Variants in PATJ observed in about 807,000 individuals in gnomAD.
PATJ encodes inaD-like protein.
Under a neutral mutation model 224.9 loss-of-function variants are expected in PATJ, and 190 were observed. The ratio of observed to expected loss-of-function variants is 0.84; its 90% confidence interval spans 0.75 to 0.95. The LOEUF is 0.95. PATJ is among the 40% of genes least tolerant of loss of function. The pLI, the probability that PATJ is intolerant of heterozygous loss-of-function variation, is 0.00. For missense variants in PATJ, 2,121 were observed against 2,270.3 expected, an observed-to-expected ratio of 0.93 and a Z score of 1.34; for synonymous variants, 769 against 820.3, an observed-to-expected ratio of 0.94 and a Z score of 1.07.
chr1:61,932,492 C>G (rs1557895901), intron 27 of PATJ, among the ~76,000 whole-genome samples: 1 of 152,138 alleles, frequency 6.6e-6, no homozygotes, highest in Non-Finnish European at 1.5e-5. Flanking sequence ...CACTGACCTT[C>G]AATGGTCAAG....
At position 62,116,560 on chromosome 1, in the gene PATJ, A is replaced by T; in HGVS notation, c.4684A>T (p.Ile1562Phe). The change falls in exon 36 of 44, where the codon ATC becomes TTC. Residue 1562 changes from isoleucine (I) to phenylalanine (F), a missense_variant. Physicochemically the swap from Ile to Phe is conservative, Grantham distance 21. Transcript: ENST00000642238. Reference protein sequence around the residue: ...RNGSGVFISDIVKGGAADLDG... With the variant: ...RNGSGVFISDFVKGGAADLDG... ...TGGAAGCGGAGTGTTTATTTCTGAC[A>T]TCGTGAAAGGCGGAGCCGCAGACCT... The T allele has an allele frequency of 6.2e-7, 1 of 1,614,076 alleles. No individual in the cohort carries two copies. The highest frequency in any genetic ancestry group is 8.5e-7 in the Non-Finnish European group (1 of 1,179,982).
chr1:61,901,359 A>G lies in PATJ; in HGVS notation c.3281A>G (p.Lys1094Arg). The stretch of plus-strand genomic sequence containing the variant: ...GGACAAACTGTTATAAAACGTCTAA[A>G]GAATGGAGAGGAGCTTAAAGGTATA... ...VGGQTVIKRL[K>R]NGEELKGIFI... is the part of the protein sequence containing the mutation. The change falls in exon 24 of 44, where the codon AAG (lysine) becomes AGG (arginine). Residue 1094 changes from lysine to arginine, a missense_variant. Coordinates refer to ENST00000642238, the MANE Select transcript of PATJ (RefSeq NM_001350145.3). 6.3e-7 allele frequency: 1 copy of G among 1,588,716 alleles called. No individual in the cohort carries two copies. The highest frequency in any genetic ancestry group is 8.5e-7 in the Non-Finnish European group (1 of 1,171,444).
intron 8 of PATJ, among the ~76,000 whole-genome samples, chr1:61,790,376 T>C (rs143653286): frequency 1.9e-4 from 29 of 152,236 alleles, no homozygotes; most frequent in African/African-American, 6.7e-4. Flanking sequence ...CTTTCTATTG[T>C]TGTATAACAA....
At chr1:61,838,082 CAATA>C (rs758809953) in intron 17 of PATJ, among the ~76,000 whole-genome samples, 2 of 152,068 alleles carry the variant, frequency 1.3e-5, no homozygotes, top group Non-Finnish European at 2.9e-5. Flanking sequence ...ACAGGGAAGA[CAATA>C]AATGTGATTA....
In PATJ at chr1:61,884,365, G is replaced by A. The variant is rs564220185; in HGVS notation, c.3088G>A (p.Ala1030Thr). The stretch of plus-strand genomic sequence containing the variant: ...GACACGAGTTATTTCCAAGGCCTCA[G>A]CATACACAGGAATGTTGTCTTCTAG... ...QATRVISKAS[A>T]YTGMLSSRYA... Residue 1030 changes from alanine (A) to threonine (T), a missense_variant, in exon 22 of 44, where the codon GCA becomes ACA. By Grantham distance (58) the Ala-to-Thr change is moderately conservative. Coordinates refer to ENST00000642238, the MANE Select transcript of PATJ (RefSeq NM_001350145.3). The A allele has an allele frequency of 1.2e-6, 2 of 1,610,970 alleles. No homozygotes were observed. Among genetic ancestry groups the A allele is most frequent in the African/African-American group, 1.3e-5 (1 of 74,576 alleles).
intron 4 of PATJ, among the ~76,000 whole-genome samples, chr1:61,767,479 T>C (rs913003322): frequency 1.3e-5 from 2 of 151,800 alleles, no homozygotes; most frequent in Non-Finnish European, 2.9e-5. Flanking sequence ...TTCAAAGCTG[T>C]AGTGAGCTAT....
At chr1:62,064,327 C>CTTT (rs201359731) in intron 31 of PATJ, among the ~76,000 whole-genome samples, 1 of 135,840 alleles carries the variant, frequency 7.4e-6, no homozygotes, top group African/African-American at 2.7e-5. Context: ...AGCCATAATG[C>CTTT]TTTTTTTTTT....
intron 28 of PATJ, 106 bp from the exon 29 acceptor site, chr1:62,017,750 A>G (rs1646866218): frequency 4.9e-6 from 3 of 616,568 alleles, no homozygotes; most frequent in Non-Finnish European, 8.2e-6. Context: ...AAAAAAAAGA[A>G]AAGAAAAGAA....
chr1:61,948,902 A>G (rs562984487), intron 27 of PATJ, among the ~76,000 whole-genome samples: 1 of 152,246 alleles, frequency 6.6e-6, no homozygotes, highest in East Asian at 1.9e-4. Flanking sequence ...GGAGAAGTTC[A>G]TGTCATTTGT....
chr1:62,136,811 C>T (rs987113079), intron 41 of PATJ, among the ~76,000 whole-genome samples: 2 of 151,818 alleles, frequency 1.3e-5, no homozygotes, highest in Non-Finnish European at 2.9e-5. Context: ...CTCAAGCAAT[C>T]CTCCAACCTC....
chr1:61,777,172 A>G (rs1646961979), intron 7 of PATJ, among the ~76,000 whole-genome samples: 1 of 152,244 alleles, frequency 6.6e-6, no homozygotes, highest in Non-Finnish European at 1.5e-5. Context: ...AACAACTGAC[A>G]CTGTTTGTTA....
At chr1:61,837,095 A>G (rs1314729593) in intron 17 of PATJ, among the ~76,000 whole-genome samples, 1 of 152,174 alleles carries the variant, frequency 6.6e-6, no homozygotes, top group Non-Finnish European at 1.5e-5. Context: ...ACATTAATCT[A>G]TTTCATTGGT....
At position 62,105,433 on chromosome 1, in the gene PATJ, T is replaced by C. The variant is rs538019193; in HGVS notation, c.4378-3004T>C. ...ACCAAACTTTGAAAACCAGTATCAT[T>C]ACAGGGTGCTACCAGGAGTCTGCAT... On this transcript the variant is annotated intron_variant, in intron 33 of 43. Transcript: ENST00000642238. Among the ~76,000 whole-genome samples the C allele has an allele frequency of 2.2e-4, 33 of 152,298 alleles. 1 individual carries two copies. The highest frequency in any genetic ancestry group is 3.4e-3 in the Middle Eastern group (1 of 294).
At chr1:62,023,398 A>G (rs1647201864) in intron 29 of PATJ, among the ~76,000 whole-genome samples, 1 of 152,246 alleles carries the variant, frequency 6.6e-6, no homozygotes, top group Non-Finnish European at 1.5e-5. Context: ...TCATAAAGAA[A>G]CATTCATTCA....
At chr1:62,105,397 G>A (rs1356945881) in intron 33 of PATJ, among the ~76,000 whole-genome samples, 1 of 152,104 alleles carries the variant, frequency 6.6e-6, no homozygotes, top group East Asian at 1.9e-4. Context: ...GTGAAAATAG[G>A]GTATTTGGGG....
intron 41 of PATJ, among the ~76,000 whole-genome samples, chr1:62,144,768 AAAAAAAAAAAT>A (rs1667839136): frequency 1.6e-5 from 1 of 63,842 alleles, no homozygotes; most frequent in African/African-American, 5.1e-5. Flanking sequence ...GTTATTTGCA[AAAAAAAAAAAT>A]ATATATATAT....
intron 29 of PATJ, among the ~76,000 whole-genome samples, chr1:62,035,579 A>AT (rs1003457217): frequency 2.0e-5 from 3 of 151,446 alleles, no homozygotes; most frequent in African/African-American, 7.3e-5. Flanking sequence ...GAGAGTTGTC[A>AT]TTACATCCCA....
intron 41 of PATJ, among the ~76,000 whole-genome samples, chr1:62,147,748 G>A (rs1033251860): frequency 4.0e-5 from 6 of 151,108 alleles, no homozygotes; most frequent in African/African-American, 1.2e-4. Context: ...GTAGTGAGCC[G>A]AGATCGTGCC....
intron 31 of PATJ, among the ~76,000 whole-genome samples, chr1:62,077,555 T>G (rs146030788): frequency 2.0e-3 from 300 of 151,670 alleles, no homozygotes; most frequent in African/African-American, 6.9e-3. Context: ...CCAGGCGTGG[T>G]GGTGTGCGCC....
Sources: allele counts gnomAD v4.1 joint callset (sites outside exome capture counted in the v4.1 genomes callset), GRCh38; gene constraint gnomAD v4.1.1; transcripts MANE v1.5; gene names NCBI Gene and HGNC (gene_info 2026-07-23, HGNC 2026-07-21).